The following PLCG2 variants were observed in gnomAD, a reference collection of about 807,000 sequenced individuals.
PLCG2 encodes phospholipase C gamma 2.
A neutral mutation model predicts 175.6 loss-of-function variants in PLCG2; 69 were observed. That is an observed-to-expected ratio of 0.39 (90% CI 0.32 to 0.48). PLCG2 has a LOEUF of 0.48. Among genes scored for constraint, PLCG2 ranks in the 20% least tolerant of loss-of-function variants. The pLI is 0.91. For synonymous variants in PLCG2, 827 were observed against 624.0 expected, an observed-to-expected ratio of 1.33 and a Z score of -4.85; for missense variants, 1,798 against 1,650.9, an observed-to-expected ratio of 1.09 and a Z score of -1.54.
chr16:81,865,624 G>C (rs1907189733), intron 5 of PLCG2, among the ~76,000 whole-genome samples: 1 of 152,214 alleles, frequency 6.6e-6, no homozygotes, highest in Non-Finnish European at 1.5e-5. Flanking sequence ...TGGTTCCTTT[G>C]CCCTGCTGCT....
intron 2 of PLCG2, among the ~76,000 whole-genome samples, chr16:81,845,260 T>G (rs759650307): frequency 3.4e-4 from 51 of 152,230 alleles, no homozygotes; most frequent in Non-Finnish European, 6.8e-4. Context: ...TTCTTATGCC[T>G]TATATGTGTC....
intron 2 of PLCG2, among the ~76,000 whole-genome samples, chr16:81,815,285 A>C (rs1238042516): frequency 6.6e-6 from 1 of 152,140 alleles, no homozygotes; most frequent in South Asian, 2.1e-4. Context: ...AGGCTAGAGC[A>C]TGGGTCTCCC....
At chr16:81,811,346 C>T (rs964797269) in intron 2 of PLCG2, among the ~76,000 whole-genome samples, 12 of 152,086 alleles carry the variant, frequency 7.9e-5, no homozygotes, top group African/African-American at 1.9e-4. Context: ...GCAGTATCAT[C>T]GATAAGGGAT....
chr16:81,857,318 G>C (rs1044725258), intron 3 of PLCG2, among the ~76,000 whole-genome samples: 2 of 152,160 alleles, frequency 1.3e-5, no homozygotes, highest in African/African-American at 4.8e-5. Context: ...TGGACACCTG[G>C]GTTTGAATTC....
intron 2 of PLCG2, among the ~76,000 whole-genome samples, chr16:81,824,575 A>G (rs887152338): frequency 2.0e-5 from 3 of 152,144 alleles, no homozygotes; most frequent in Non-Finnish European, 2.9e-5. Context: ...AGGCCTTCTC[A>G]CCATGTTCCT....
At chr16:81,829,934 T>C (rs1345532461) in intron 2 of PLCG2, among the ~76,000 whole-genome samples, 2 of 151,922 alleles carry the variant, frequency 1.3e-5, no homozygotes, top group African/African-American at 4.8e-5. Context: ...ATTCTACCTC[T>C]CGGTGGCATC....
intron 2 of PLCG2, among the ~76,000 whole-genome samples, chr16:81,833,194 C>A (rs1158028033): frequency 6.6e-6 from 1 of 152,192 alleles, no homozygotes; most frequent in East Asian, 1.9e-4. Flanking sequence ...GTTTGGGGTT[C>A]AGCAACCCCA....
At chr16:81,851,606 G>A (rs938278215) in intron 2 of PLCG2, among the ~76,000 whole-genome samples, 1 of 152,080 alleles carries the variant, frequency 6.6e-6, no homozygotes, top group Admixed American at 6.5e-5. Flanking sequence ...TCCGCCTCCC[G>A]AGTTCAGGCG....
chr16:81,770,197 T>A (rs1251711006), intron 2 of PLCG2, among the ~76,000 whole-genome samples: 6 of 152,016 alleles, frequency 3.9e-5, no homozygotes, highest in Non-Finnish European at 8.8e-5. Context: ...CACGCCCACA[T>A]CACCCACACC....
intron 2 of PLCG2, among the ~76,000 whole-genome samples, chr16:81,826,610 T>C (rs1905059463): frequency 6.6e-6 from 1 of 152,200 alleles, no homozygotes; most frequent in African/African-American, 2.4e-5. Flanking sequence ...TCTACAATAC[T>C]CAGTGCTTCA....
At chr16:81,748,950 A>G (rs1567692487) in intron 1 of PLCG2, among the ~76,000 whole-genome samples, 1 of 152,180 alleles carries the variant, frequency 6.6e-6, no homozygotes, top group Non-Finnish European at 1.5e-5. Context: ...TCCCTCCTGC[A>G]GGGGACCTCT....
At chr16:81,817,849 G>C (rs1253645209) in intron 2 of PLCG2, among the ~76,000 whole-genome samples, 2 of 152,188 alleles carry the variant, frequency 1.3e-5, no homozygotes, top group African/African-American at 4.8e-5. Context: ...GGCCAGGGTA[G>C]GCAAAAATGA....
At chr16:81,770,736 C>A (rs962992213) in intron 2 of PLCG2, among the ~76,000 whole-genome samples, 1 of 152,022 alleles carries the variant, frequency 6.6e-6, no homozygotes, top group African/African-American at 2.4e-5. Flanking sequence ...ATAATACTAA[C>A]TTTCTGTTGA....
chr16:81,739,470 G>T (rs1218686292), intron 1 of PLCG2: 2 of 152,088 alleles, frequency 1.3e-5, no homozygotes, highest in African/African-American at 2.4e-5. Flanking sequence ...CATTCTCTGG[G>T]AGCCCCCAGT....
At chr16:81,900,916 T>A in intron 14 of PLCG2, 136 bp downstream of exon 14, 1 of 717,088 alleles carries the variant, frequency 1.4e-6, no homozygotes, top group African/African-American at 1.8e-5. Flanking sequence ...AAATCTGCTC[T>A]CCTTACTAAC....
chr16:81,859,887 A>C (rs958226256), intron 5 of PLCG2, among the ~76,000 whole-genome samples: 12 of 152,104 alleles, frequency 7.9e-5, no homozygotes, highest in Non-Finnish European at 1.5e-5. Context: ...GTGATAACGT[A>C]TATTCAGTTT....
rs138766176 is a variant in PLCG2 at position 81,926,632 on chromosome 16, C to CA, written c.2418-449dup. 2.6e-3 allele frequency among the ~76,000 whole-genome samples: 399 copies of CA among 152,284 alleles called. 1 individual carries two copies. The highest frequency in any genetic ancestry group is 8.8e-3 in the African/African-American group (366 of 41,556). On this transcript the variant is annotated intron_variant, in intron 22 of 32. Coordinates refer to ENST00000564138, the MANE Select transcript of PLCG2 (RefSeq NM_002661.5). The stretch of plus-strand genomic sequence containing the variant: ...AATAAAACCCTCTGAGGGAAGCACT[C>CA]ACGTTTATGCATTTTTCAGATGGAG...
At chr16:81,956,583 G>C (rs1199188475) in intron 31 of PLCG2, 112 bp from the exon 32 acceptor site, 13 of 815,722 alleles carry the variant, frequency 1.6e-5, no homozygotes, top group Non-Finnish European at 2.5e-5. Flanking sequence ...AATCCAAGTT[G>C]CAAAACTTCT....
intron 30 of PLCG2, among the ~76,000 whole-genome samples, chr16:81,944,336 CTTT>C (rs1389939010): frequency 1.3e-5 from 2 of 150,940 alleles, no homozygotes; most frequent in Non-Finnish European, 2.9e-5. Flanking sequence ...CATATGCAGA[CTTT>C]TTTCTTATTC....
Sources: gnomAD v4.1 joint callset for allele counts (sites outside exome capture counted in the v4.1 genomes callset) on GRCh38, gnomAD v4.1.1 for gene constraint, MANE v1.5 for transcripts, NCBI Gene and HGNC (gene_info 2026-07-23, HGNC 2026-07-21) for gene names.